CNTLN: variants seen among roughly 807,000 people sequenced by gnomAD.
CNTLN encodes centlein, centrosomal protein.
In CNTLN, 212 loss-of-function variants were observed where a neutral mutation model predicts 180.0. The observed-to-expected ratio is 1.18, with a 90% CI of 1.05 to 1.32. The LOEUF (loss-of-function observed/expected upper bound fraction) is 1.32. Ranked by LOEUF, CNTLN falls within the 40% of genes most tolerant of loss-of-function variation. The probability of loss-of-function intolerance (pLI) is 0.00; values close to 1 mark genes in which losing one functional copy is unlikely to be tolerated. For synonymous variants in CNTLN, 722 were observed against 563.1 expected (o/e 1.28, Z -3.99); for missense variants, 2,095 against 1,610.9 (o/e 1.30, Z -5.14).
At chr9:17,502,106 A>G (rs759012956) in intron 25 of CNTLN, among the ~76,000 whole-genome samples, 1 of 152,152 alleles carries the variant, frequency 6.6e-6, no homozygotes, top group African/African-American at 2.4e-5. Flanking sequence ...TCACTCTACA[A>G]TTCTTGAGAT....
intron 5 of CNTLN, among the ~76,000 whole-genome samples, chr9:17,267,759 A>G (rs1346254704): frequency 6.6e-6 from 1 of 151,788 alleles, no homozygotes; most frequent in African/African-American, 2.4e-5. Flanking sequence ...TTTTTCTCTA[A>G]ACTTCTCTTC....
In CNTLN at chr9:17,455,770, G is replaced by A. The variant is rs542560059; in HGVS notation, c.3115-1754G>A. Among the ~76,000 whole-genome samples, 8 of 148,356 alleles carry A rather than the reference G, an allele frequency of 5.4e-5. No individual in the cohort carries two copies. In the East Asian group the frequency reaches 1.6e-3, roughly 30 times the overall value. On this transcript the variant is annotated intron_variant, in intron 18 of 25. Coordinates refer to ENST00000380647, the MANE Select transcript of CNTLN (RefSeq NM_017738.4). The stretch of plus-strand genomic sequence containing the variant: ...GGCAGGCAGGTTTGGGGAATGGCAG[G>A]CAGGTTTGGGGAATGGCAGGCAGGT...
At position 17,178,300 on chromosome 9, in the gene CNTLN, A is replaced by G. The variant is rs373336157; in HGVS notation, c.449+34924A>G. On this transcript the variant is annotated intron_variant, in intron 2 of 25. Coordinates refer to ENST00000380647, the MANE Select transcript of CNTLN (RefSeq NM_017738.4). ...TATATTTACAATCCCTTAGCTAGACATAAAGGTTCTCCAATTCCCCACCAG... is the reference window on the plus strand; with the variant it reads ...TATATTTACAATCCCTTAGCTAGACGTAAAGGTTCTCCAATTCCCCACCAG... 5.3e-5 allele frequency among the ~76,000 whole-genome samples: 8 copies of G among 152,294 alleles called. No homozygotes were observed. The East Asian group carries it at 1.6e-3, about 30-fold the overall frequency.
At chr9:17,320,597 G>T (rs1819842068) in intron 8 of CNTLN, among the ~76,000 whole-genome samples, 1 of 152,074 alleles carries the variant, frequency 6.6e-6, no homozygotes, top group Non-Finnish European at 1.5e-5. Flanking sequence ...CCGCCTCCTG[G>T]GTTCAAGTGA....
At chr9:17,368,887 A>T (rs986267581) in intron 13 of CNTLN, among the ~76,000 whole-genome samples, 2 of 152,206 alleles carry the variant, frequency 1.3e-5, no homozygotes, top group Non-Finnish European at 2.9e-5. Flanking sequence ...CTACTGCCTT[A>T]GCATCTTTGT....
intron 23 of CNTLN, among the ~76,000 whole-genome samples, chr9:17,477,837 C>T (rs1365422165): frequency 1.3e-5 from 2 of 152,162 alleles, no homozygotes; most frequent in Non-Finnish European, 2.9e-5. Context: ...GTTGATAAAG[C>T]AGTGGCAGGG....
In CNTLN at chr9:17,136,111, A is replaced by C. The variant is rs569372636; in HGVS notation, c.360+686A>C. 3.4e-4 allele frequency among the ~76,000 whole-genome samples: 52 copies of C among 152,300 alleles called. 1 individual carries two copies. The highest frequency in any genetic ancestry group is 1.1e-3 in the African/African-American group (47 of 41,570). On this transcript the variant is annotated intron_variant, in intron 1 of 25. Coordinates refer to ENST00000380647, the MANE Select transcript of CNTLN (RefSeq NM_017738.4). ...CTTTCCTGTTTGTAGAGTTTTTGTA[A>C]GGATGGACTTGACTATACTCATGTT...
At chr9:17,472,154 C>T (rs1217580561) in intron 23 of CNTLN, among the ~76,000 whole-genome samples, 3 of 152,102 alleles carry the variant, frequency 2.0e-5, no homozygotes, top group Non-Finnish European at 4.4e-5. Flanking sequence ...CAACACTACT[C>T]ATTATGTAGG....
chr9:17,137,903 AC>A lies in CNTLN; in HGVS notation c.360+2479del, dbSNP rs891730193. Among the ~76,000 whole-genome samples, 29 of 152,282 alleles carry A rather than the reference AC, an allele frequency of 1.9e-4. No homozygotes were observed. The Middle Eastern group carries it at 0.024, about 125-fold the overall frequency. On this transcript the variant is annotated intron_variant, in intron 1 of 25. Coordinates refer to ENST00000380647, the MANE Select transcript of CNTLN (RefSeq NM_017738.4). ...CTAAGTGATTGTATTATCTAATTAA[AC>A]TTTAAAAAAATATGGCCCCCTGATT...
intron 8 of CNTLN, among the ~76,000 whole-genome samples, chr9:17,325,199 AATATATGACTATTATTAAAGTCAT>A (rs1820185862): frequency 1.5e-5 from 2 of 133,028 alleles, no homozygotes; most frequent in African/African-American, 5.3e-5. Flanking sequence ...TTTTTACAAG[AATATATGACTATTATTAAAGTCAT>A]TTATTTTCAG....
At chr9:17,485,640 G>T (rs77780890) in intron 24 of CNTLN, among the ~76,000 whole-genome samples, 9 of 152,082 alleles carry the variant, frequency 5.9e-5, no homozygotes, top group African/African-American at 1.4e-4. Context: ...TAAGGGTAAG[G>T]CCTCTACTGT....
chr9:17,430,244 C>T (rs542871011), intron 18 of CNTLN, among the ~76,000 whole-genome samples: 1 of 152,064 alleles, frequency 6.6e-6, no homozygotes, highest in Middle Eastern at 3.4e-3. Context: ...TATTCCTGTT[C>T]CAGTCCGTGT....
intron 13 of CNTLN, among the ~76,000 whole-genome samples, chr9:17,367,342 T>C (rs1587795152): frequency 1.3e-5 from 2 of 152,226 alleles, no homozygotes; most frequent in South Asian, 2.1e-4. Flanking sequence ...ATCCCAGTGG[T>C]TGGAACCTGA....
intron 2 of CNTLN, among the ~76,000 whole-genome samples, chr9:17,181,371 C>T (rs1444768526): frequency 5.3e-5 from 8 of 152,090 alleles, no homozygotes; most frequent in African/African-American, 9.7e-5. Flanking sequence ...TTTGTTTTTT[C>T]GTTGTATCTT....
intron 18 of CNTLN, among the ~76,000 whole-genome samples, chr9:17,456,070 G>T (rs141824218): frequency 6.6e-6 from 1 of 151,972 alleles, no homozygotes; most frequent in Non-Finnish European, 1.5e-5. Flanking sequence ...AGATAATGAG[G>T]GTTTGCATTA....
At chr9:17,247,155 T>C (rs2132243971) in intron 5 of CNTLN, among the ~76,000 whole-genome samples, 1 of 152,260 alleles carries the variant, frequency 6.6e-6, no homozygotes, top group South Asian at 2.1e-4. Context: ...TTAGGTCACA[T>C]GCACCTCACG....
intron 2 of CNTLN, among the ~76,000 whole-genome samples, chr9:17,159,836 T>C (rs1002070587): frequency 4.6e-5 from 7 of 152,214 alleles, no homozygotes; most frequent in Non-Finnish European, 7.3e-5. Flanking sequence ...TAGATGTTTC[T>C]TCATTTGCTG....
At chr9:17,195,768 G>A (rs1489158821) in intron 2 of CNTLN, among the ~76,000 whole-genome samples, 1 of 151,748 alleles carries the variant, frequency 6.6e-6, no homozygotes, top group Admixed American at 6.6e-5. Flanking sequence ...ATCCCTTATT[G>A]ACTAAAGAAA....
At chr9:17,151,265 A>G (rs990739104) in intron 2 of CNTLN, among the ~76,000 whole-genome samples, 1 of 152,200 alleles carries the variant, frequency 6.6e-6, no homozygotes, top group African/African-American at 2.4e-5. Context: ...CCCTATCAGT[A>G]TGGTATTGGC....
Sources: allele counts gnomAD v4.1 joint callset (sites outside exome capture counted in the v4.1 genomes callset), GRCh38; gene constraint gnomAD v4.1.1; transcripts MANE v1.5; gene names NCBI Gene and HGNC (gene_info 2026-07-23, HGNC 2026-07-21).